The following CNBD1 variants were observed in gnomAD, a reference collection of about 807,000 sequenced individuals.
The protein encoded by CNBD1 is cyclic nucleotide-binding domain-containing protein 1.
A neutral mutation model predicts 54.4 loss-of-function variants in CNBD1; 71 were observed. The ratio of observed to expected loss-of-function variants is 1.30; its 90% CI spans 1.08 to 1.59. CNBD1 has a LOEUF of 1.59. Ranked by LOEUF, CNBD1 falls within the 40% of genes most tolerant of loss-of-function variation. CNBD1 has a pLI of 0.00. For missense variants in CNBD1, 659 were observed against 518.0 expected (o/e 1.27, Z -2.64); for synonymous variants, 182 against 170.7 (o/e 1.07, Z -0.51).
intron 2 of CNBD1, among the ~76,000 whole-genome samples, chr8:87,426,306 A>G (rs1808049524): frequency 6.6e-6 from 1 of 152,192 alleles, no homozygotes; most frequent in South Asian, 2.1e-4. Flanking sequence ...GGAGCTGTAG[A>G]CCGGAGCTGT....
intron 3 of CNBD1, among the ~76,000 whole-genome samples, chr8:86,936,679 C>T (rs534071844): frequency 4.1e-5 from 6 of 147,860 alleles, no homozygotes; most frequent in Non-Finnish European, 5.9e-5. Context: ...GGAGGCAGAG[C>T]TTGCAGTGAG....
intron 6 of CNBD1, among the ~76,000 whole-genome samples, chr8:87,271,886 A>G (rs1243015288): frequency 6.6e-6 from 1 of 152,094 alleles, no homozygotes; most frequent in Non-Finnish European, 1.5e-5. Flanking sequence ...ATGAATAAAG[A>G]AAATGTGGTA....
In CNBD1 at chr8:87,325,359, G is replaced by C. The variant is rs1040305854; in HGVS notation, c.1043-26326G>C. Among the ~76,000 whole-genome samples, 3 of 91,664 alleles carry C rather than the reference G, an allele frequency of 3.3e-5. 1 individual carries two copies. The highest frequency in any genetic ancestry group is 6.3e-5 in the Non-Finnish European group (3 of 47,452). 60.1% of individuals were successfully genotyped at this position (91,664 alleles called of 152,430 possible). ...CTGAGTTCAATTCCTGGGTATCCTTGTTGACTTTCTGTCTCGTTGATCTGT... is the reference window on the plus strand; with the variant it reads ...CTGAGTTCAATTCCTGGGTATCCTTCTTGACTTTCTGTCTCGTTGATCTGT... On this transcript the variant is annotated intron_variant, in intron 8 of 10. Transcript: ENST00000518476.
chr8:87,199,498 TTTC>T (rs1216288983), intron 4 of CNBD1, among the ~76,000 whole-genome samples: 2 of 152,144 alleles, frequency 1.3e-5, no homozygotes, highest in Non-Finnish European at 2.9e-5. Context: ...CCTGCAATAG[TTTC>T]TTCTTATGTT....
chr8:87,302,361 C>G (rs550646977), intron 8 of CNBD1, among the ~76,000 whole-genome samples: 2 of 152,224 alleles, frequency 1.3e-5, no homozygotes, highest in Admixed American at 1.3e-4. Context: ...CGTAATCCAG[C>G]ATAGAAACAG....
rs555214704 is a variant in CNBD1 at position 87,190,332 on chromosome 8, G to A, written c.432-15661G>A. On this transcript the variant is annotated intron_variant, in intron 4 of 10. Transcript: ENST00000518476. Reference sequence around the variant, plus strand: ...TTTCTAGGGACATATATATCCAAACGTAGGAGACTCCCAGTTGTTCTGTTC... The same window carrying A: ...TTTCTAGGGACATATATATCCAAACATAGGAGACTCCCAGTTGTTCTGTTC... Among the ~76,000 whole-genome samples, 32 of 152,208 alleles carry A rather than the reference G, an allele frequency of 2.1e-4. No individual in the cohort carries two copies. The East Asian group carries it at 4.8e-3, about 23-fold the overall frequency.
intron 4 of CNBD1, among the ~76,000 whole-genome samples, chr8:87,180,198 T>A (rs1024727256): frequency 6.6e-6 from 1 of 152,152 alleles, no homozygotes; most frequent in African/African-American, 2.4e-5. Context: ...TTCCTGCAAA[T>A]ATTAGAAAAG....
chr8:87,063,282 AAG>A (rs1222377108), intron 4 of CNBD1, among the ~76,000 whole-genome samples: 6 of 152,332 alleles, frequency 3.9e-5, no homozygotes, highest in Admixed American at 2.0e-4. Context: ...TGTTCCTGGA[AAG>A]AGGAGTGTGG....
chr8:87,408,664 G>C (rs1294081698), intron 2 of CNBD1, among the ~76,000 whole-genome samples: 3 of 151,988 alleles, frequency 2.0e-5, no homozygotes, highest in Non-Finnish European at 4.4e-5. Flanking sequence ...TTAGAGGTTG[G>C]TGACAGCCCT....
chr8:87,423,581 T>C lies in CNBD1; in HGVS notation c.214-4965T>C, dbSNP rs1419436320. On this transcript the variant is annotated intron_variant, in intron 2 of 7. Coordinates refer to the CNBD1 transcript ENST00000521593. Reference sequence around the variant, plus strand: ...CTGTTTATATGCTGGATTACATTTATTGATTTGCGTATATTGAACCAGCCT... The same window carrying C: ...CTGTTTATATGCTGGATTACATTTACTGATTTGCGTATATTGAACCAGCCT... Among the ~76,000 whole-genome samples the C allele has an allele frequency of 1.3e-5, 2 of 149,130 alleles. 1 individual carries two copies. The highest frequency in any genetic ancestry group is 3.0e-5 in the Non-Finnish European group (2 of 67,700).
intron 4 of CNBD1, among the ~76,000 whole-genome samples, chr8:87,102,639 A>G (rs1811453767): frequency 6.6e-6 from 1 of 152,026 alleles, no homozygotes; most frequent in Admixed American, 6.6e-5. Flanking sequence ...TTTGAGACAG[A>G]GTCTCACTCT....
intron 10 of CNBD1, among the ~76,000 whole-genome samples, chr8:87,367,973 C>G (rs1232601302): frequency 6.6e-6 from 1 of 151,956 alleles, no homozygotes; most frequent in Non-Finnish European, 1.5e-5. Context: ...AGTTTGATTA[C>G]CAACATGGTG....
At chr8:87,118,314 CAAA>C (rs34800282) in intron 4 of CNBD1, among the ~76,000 whole-genome samples, 1 of 109,174 alleles carries the variant, frequency 9.2e-6, no homozygotes, top group African/African-American at 3.5e-5. Flanking sequence ...GACTCTGTCT[CAAA>C]AAAAAAAAAA....
In CNBD1 at chr8:87,134,356, G is replaced by A. The variant is rs528880204; in HGVS notation, c.432-71637G>A. Among the ~76,000 whole-genome samples, 24 of 152,092 alleles carry A rather than the reference G, an allele frequency of 1.6e-4. No homozygotes were observed. In the East Asian group the frequency reaches 3.3e-3, roughly 21 times the overall value. ...TTTTAGGAAAAAAACTTCCAGTTTC[G>A]TAAAATGTCGTTAGCAACAAAAAAG... On this transcript the variant is annotated intron_variant, in intron 4 of 10. Transcript: ENST00000518476.
chr8:87,265,079 C>T (rs549123094), intron 6 of CNBD1, among the ~76,000 whole-genome samples: 10 of 152,078 alleles, frequency 6.6e-5, no homozygotes, highest in Non-Finnish European at 1.5e-4. Context: ...CTTGCCCATG[C>T]CTATGTCCTG....
rs1808707219 is a variant in CNBD1, at chr8:87,286,651, A to G, written c.1022A>G (p.Lys341Arg). Residue 341 changes from lysine (K) to arginine (R), a missense_variant, in exon 8 of 11, where the codon AAA becomes AGA. By Grantham distance (26) the Lys-to-Arg change is conservative. Coordinates refer to ENST00000518476, the MANE Select transcript of CNBD1 (RefSeq NM_173538.3). Reference protein sequence around the residue: ...IYELIALLKWKKFPPGHVIVE... With the variant: ...IYELIALLKWRKFPPGHVIVE... Reference sequence around the variant, plus strand: ...GAGCTAATTGCACTCCTTAAATGGAAAAAATTTCCTCCAGGTCATGGTAAG... The same window carrying G: ...GAGCTAATTGCACTCCTTAAATGGAGAAAATTTCCTCCAGGTCATGGTAAG... The G allele has an allele frequency of 6.5e-7, 1 of 1,542,630 alleles. No homozygotes were observed. The highest frequency in any genetic ancestry group is 1.4e-5 in the African/African-American group (1 of 72,968).
Position 87,339,409 on chromosome 8 carries a change from G to T in CNBD1, c.1043-12276G>T, listed in dbSNP as rs190499101. ...TTCCCATGGAAATTTCAGCTTATGG[G>T]TTTCTGCTCTGTTAAGTTTTGATTG... On this transcript the variant is annotated intron_variant, in intron 8 of 10. Transcript: ENST00000518476. Among the ~76,000 whole-genome samples, 589 of 152,210 alleles carry T rather than the reference G, an allele frequency of 3.9e-3. 8 individuals are homozygous for T. The highest frequency in any genetic ancestry group is 0.014 in the African/African-American group (561 of 41,524).
At chr8:87,161,079 T>A (rs1812848019) in intron 4 of CNBD1, among the ~76,000 whole-genome samples, 1 of 152,072 alleles carries the variant, frequency 6.6e-6, no homozygotes, top group Non-Finnish European at 1.5e-5. Context: ...AGAAAAGAGG[T>A]TTGGGCTGGA....
chr8:87,023,992 C>T (rs1175094382), intron 4 of CNBD1, among the ~76,000 whole-genome samples: 1 of 152,012 alleles, frequency 6.6e-6, no homozygotes, highest in Non-Finnish European at 1.5e-5. Flanking sequence ...AATCCCAGAA[C>T]TTTGGGAGGC....
Sources: gnomAD v4.1 joint callset for allele counts (sites outside exome capture counted in the v4.1 genomes callset) on GRCh38, gnomAD v4.1.1 for gene constraint, MANE v1.5 for transcripts, NCBI Gene and HGNC (gene_info 2026-07-23, HGNC 2026-07-21) for gene names.